Variants in ADGRF5 observed in about 807,000 individuals in gnomAD.
The protein encoded by ADGRF5 is adhesion G protein-coupled receptor F5.
A neutral mutation model predicts 132.3 loss-of-function variants in ADGRF5; 75 were observed. The observed-to-expected ratio is 0.57, with a 90% CI of 0.47 to 0.69. The LOEUF (loss-of-function observed/expected upper bound fraction) is 0.69, where lower values mean the gene tolerates loss of function less well. ADGRF5 is among the 30% of genes least tolerant of loss of function. The probability of loss-of-function intolerance (pLI) is 0.00; values close to 1 mark genes in which losing one functional copy is unlikely to be tolerated. For missense variants in ADGRF5, 1,516 were observed against 1,630.6 expected, an observed-to-expected ratio of 0.93 and a Z score of 1.21; for synonymous variants, 629 against 597.6, an observed-to-expected ratio of 1.05 and a Z score of -0.77.
chr6:46,876,033 G>T (rs922812655), intron 10 of ADGRF5, among the ~76,000 whole-genome samples: 1 of 152,206 alleles, frequency 6.6e-6, no homozygotes, highest in Non-Finnish European at 1.5e-5. Context: ...ATGAGAGCAG[G>T]TCATTCATTC....
At chr6:46,942,857 C>G (rs371571433) in intron 1 of ADGRF5, among the ~76,000 whole-genome samples, 1 of 152,084 alleles carries the variant, frequency 6.6e-6, no homozygotes. Context: ...GAGATGTGTG[C>G]GTGTGTCTGC....
intron 3 of ADGRF5, among the ~76,000 whole-genome samples, chr6:46,890,206 C>A (rs898971183): frequency 6.6e-6 from 1 of 152,012 alleles, no homozygotes; most frequent in Admixed American, 6.5e-5. Context: ...GATTCTCTGG[C>A]TTCAGCCTCC....
At chr6:46,937,595 T>C (rs1452637410) in intron 1 of ADGRF5, among the ~76,000 whole-genome samples, 1 of 152,138 alleles carries the variant, frequency 6.6e-6, no homozygotes, top group African/African-American at 2.4e-5. Flanking sequence ...TATATACCAT[T>C]TTTTATATGC....
At chr6:46,890,679 T>C (rs1194935958) in intron 3 of ADGRF5, among the ~76,000 whole-genome samples, 1 of 151,878 alleles carries the variant, frequency 6.6e-6, no homozygotes, top group Non-Finnish European at 1.5e-5. Context: ...ATCGTGCCAC[T>C]GCACTCCAGC....
In ADGRF5 at chr6:46,865,059, T is replaced by G. The variant is rs1480493779; in HGVS notation, c.1973A>C (p.Lys658Thr). The G allele has an allele frequency of 6.2e-7, 1 of 1,606,392 alleles. No individual in the cohort carries two copies. The highest frequency in any genetic ancestry group is 8.5e-7 in the Non-Finnish European group (1 of 1,175,738). ...ANNSVWSPSMKLNLVPGENIT... is the reference protein window; with the variant it reads ...ANNSVWSPSMTLNLVPGENIT... Reference sequence around the variant, plus strand: ...GTTCTTACCAGGAACCAGATTCAGCTTCATAGATGGGCTCCAGACTGAATT... The same window carrying G: ...GTTCTTACCAGGAACCAGATTCAGCGTCATAGATGGGCTCCAGACTGAATT... The change falls in exon 14 of 21, where the codon AAG becomes ACG. Residue 658 changes from lysine (K) to threonine (T), a missense_variant. Transcript: ENST00000283296.
intron 15 of ADGRF5, among the ~76,000 whole-genome samples, chr6:46,861,586 G>A (rs1769752688): frequency 6.6e-6 from 1 of 152,176 alleles, no homozygotes; most frequent in African/African-American, 2.4e-5. Context: ...ATCTCCAGTA[G>A]TGTCATCTTG....
intron 1 of ADGRF5, among the ~76,000 whole-genome samples, chr6:46,933,677 A>C (rs377479132): frequency 1.3e-5 from 2 of 152,306 alleles, no homozygotes; most frequent in East Asian, 3.9e-4. Flanking sequence ...ATGGTCTAGC[A>C]TTGTACAGAT....
chr6:46,859,069 T>C lies in ADGRF5; in HGVS notation c.2834A>G (p.Asn945Ser), dbSNP rs1239507178. The C allele has an allele frequency of 3.1e-6, 5 of 1,614,006 alleles. No individual in the cohort carries two copies. The Admixed American group carries it at 5.0e-5, about 16-fold the overall frequency. Residue 945 changes from asparagine to serine, a missense_variant, in exon 17 of 21, where the codon AAT (asparagine) becomes AGT (serine). Transcript: ENST00000283296. ...CTTCGTTTCGCCGCCTGAAGGGCTA[T>C]TGTTCTTAAAAGTCATTGAAATCCT... Reference protein sequence around the residue: ...PFRISMTFKNNSPSGGETKCV... With the variant: ...PFRISMTFKNSSPSGGETKCV...
intron 11 of ADGRF5, among the ~76,000 whole-genome samples, chr6:46,871,543 TG>T (rs1289383917): frequency 1.3e-5 from 2 of 152,106 alleles, no homozygotes; most frequent in Admixed American, 1.3e-4. Context: ...AGGGATAACC[TG>T]AGTGGGAAAC....
rs1472344555 is a variant in ADGRF5, at chr6:46,883,667, T to G, written c.506-2A>C. ...TGACTCTCATGTTCAGGGTAACATC[T>G]GTTGAAAAACACAGGGCAATATTTA... On this transcript the variant is annotated splice_acceptor_variant, in intron 5 of 20. Coordinates refer to ENST00000283296, the MANE Select transcript of ADGRF5 (RefSeq NM_001098518.2). LOFTEE classifies it high-confidence loss of function. 3.3e-6 allele frequency: 5 copies of G among 1,511,378 alleles called. No individual in the cohort carries two copies. Among genetic ancestry groups the G allele is most frequent in the Non-Finnish European group, 3.6e-6 (4 of 1,103,924 alleles). 93.6% of individuals were successfully genotyped at this position (1,511,378 alleles called of 1,614,324 possible).
chr6:46,908,517 A>T (rs569385764), intron 1 of ADGRF5, among the ~76,000 whole-genome samples: 2 of 152,266 alleles, frequency 1.3e-5, no homozygotes, highest in South Asian at 4.1e-4. Context: ...ACATACTAGA[A>T]GGACTAGAGC....
intron 10 of ADGRF5, among the ~76,000 whole-genome samples, chr6:46,875,693 C>T (rs1771578700): frequency 6.6e-6 from 1 of 152,172 alleles, no homozygotes; most frequent in African/African-American, 2.4e-5. Flanking sequence ...AGGAGAATCC[C>T]TTGAACCCCA....
At chr6:46,882,684 C>T (rs1772613346) in intron 6 of ADGRF5, among the ~76,000 whole-genome samples, 1 of 152,254 alleles carries the variant, frequency 6.6e-6, no homozygotes, top group Non-Finnish European at 1.5e-5. Context: ...ATGTAACTCT[C>T]TCTTTCAAAG....
intron 20 of ADGRF5, among the ~76,000 whole-genome samples, chr6:46,855,541 A>T (rs1768942790): frequency 6.6e-6 from 1 of 152,242 alleles, no homozygotes; most frequent in South Asian, 2.1e-4. Context: ...AAAAAGGAAA[A>T]CAAACCTACA....
At chr6:46,873,574 T>G (rs1054059010) in intron 10 of ADGRF5, among the ~76,000 whole-genome samples, 15 of 152,082 alleles carry the variant, frequency 9.9e-5, no homozygotes, top group Admixed American at 9.8e-4. Flanking sequence ...CATCCTCTTC[T>G]CAAAGATTGC....
chr6:46,866,429 A>G (rs1481582042), intron 13 of ADGRF5, among the ~76,000 whole-genome samples: 1 of 152,080 alleles, frequency 6.6e-6, no homozygotes, highest in Non-Finnish European at 1.5e-5. Flanking sequence ...GGAGCCTTAA[A>G]ACCCAAGGTT....
chr6:46,862,264 A>C (rs1769844405), intron 15 of ADGRF5, among the ~76,000 whole-genome samples: 1 of 152,196 alleles, frequency 6.6e-6, no homozygotes, highest in Admixed American at 6.5e-5. Context: ...TTTTTAATGT[A>C]ATTCATGGAA....
intron 20 of ADGRF5, among the ~76,000 whole-genome samples, chr6:46,855,232 A>G (rs183090323): frequency 6.6e-6 from 1 of 152,330 alleles, no homozygotes; most frequent in East Asian, 1.9e-4. Flanking sequence ...TTGAATCAAT[A>G]ATAGCAGGGT....
intron 10 of ADGRF5, among the ~76,000 whole-genome samples, chr6:46,877,860 G>T (rs77553335): frequency 0.013 from 1,977 of 152,278 alleles, 19 homozygotes; most frequent in Middle Eastern, 0.024. Flanking sequence ...CTCATCCTTA[G>T]CTCTTTGCTG....
Sources: gnomAD v4.1 joint callset for allele counts (sites outside exome capture counted in the v4.1 genomes callset) on GRCh38, gnomAD v4.1.1 for gene constraint, MANE v1.5 for transcripts, NCBI Gene and HGNC (gene_info 2026-07-23, HGNC 2026-07-21) for gene names.